The following CPEB1 variants were observed in gnomAD, a reference collection of about 807,000 sequenced individuals.
CPEB1 encodes cytoplasmic polyadenylation element-binding protein 1.
Under a neutral mutation model 65.8 loss-of-function variants are expected in CPEB1, and 7 were observed. The observed-to-expected ratio is 0.11, with a 90% CI of 0.06 to 0.20. The LOEUF is 0.20. CPEB1 is among the 10% of genes least tolerant of loss of function. The pLI is 1.00. For missense variants in CPEB1, 551 were observed against 712.2 expected, an observed-to-expected ratio of 0.77 and a Z score of 2.58; for synonymous variants, 262 against 260.0, an observed-to-expected ratio of 1.01 and a Z score of -0.08.
At chr15:82,577,062 A>G (rs1039470604) in intron 3 of CPEB1, among the ~76,000 whole-genome samples, 1 of 152,196 alleles carries the variant, frequency 6.6e-6, no homozygotes, top group Non-Finnish European at 1.5e-5. Context: ...ATTATAGTAG[A>G]AATTTTTTTC....
At chr15:82,607,725 T>C (rs1277080478) in intron 3 of CPEB1, among the ~76,000 whole-genome samples, 1 of 152,100 alleles carries the variant, frequency 6.6e-6, no homozygotes, top group Non-Finnish European at 1.5e-5. Flanking sequence ...ACAAAAATTG[T>C]TACTAGAGAT....
chr15:82,644,212 T>C (rs1428606857), intron 1 of CPEB1, among the ~76,000 whole-genome samples: 1 of 152,160 alleles, frequency 6.6e-6, no homozygotes, highest in Non-Finnish European at 1.5e-5. Context: ...CTACAGCAAC[T>C]GGGATTCCTG....
chr15:82,612,566 G>A (rs2044273271), intron 3 of CPEB1, among the ~76,000 whole-genome samples: 9 of 151,602 alleles, frequency 5.9e-5, no homozygotes, highest in Admixed American at 5.9e-4. Flanking sequence ...GTCAGGCAAG[G>A]TGGCTCACAC....
At chr15:82,575,372 C>T in intron 3 of CPEB1, among the ~76,000 whole-genome samples, 1 of 152,144 alleles carries the variant, frequency 6.6e-6, no homozygotes, top group African/African-American at 2.4e-5. Flanking sequence ...CTCTAAGAAC[C>T]TATCTTTGTA....
At chr15:82,548,564 G>GT in intron 10 of CPEB1, 1 of 339,316 alleles carries the variant, frequency 2.9e-6, no homozygotes, top group Non-Finnish European at 6.0e-6. Context: ...TAGAGCATAG[G>GT]TTAAGGTTAA....
chr15:82,569,522 A>G (rs948015485), intron 4 of CPEB1, among the ~76,000 whole-genome samples: 36 of 152,240 alleles, frequency 2.4e-4, no homozygotes, highest in African/African-American at 8.2e-4. Flanking sequence ...AGTGGAAAAG[A>G]AAAACCATTT....
intron 4 of CPEB1, among the ~76,000 whole-genome samples, chr15:82,558,819 A>C (rs2037686002): frequency 6.6e-6 from 1 of 152,246 alleles, no homozygotes; most frequent in African/African-American, 2.4e-5. Context: ...AAACAAAAAA[A>C]GAGCAACGTT....
chr15:82,639,635 A>G (rs748508863), intron 1 of CPEB1, among the ~76,000 whole-genome samples: 29 of 152,204 alleles, frequency 1.9e-4, no homozygotes, highest in Non-Finnish European at 3.1e-4. Context: ...GAAAAGATTT[A>G]AAGTAACAGG....
At chr15:82,643,773 T>C (rs1249655137) in intron 1 of CPEB1, among the ~76,000 whole-genome samples, 1 of 152,154 alleles carries the variant, frequency 6.6e-6, no homozygotes, top group African/African-American at 2.4e-5. Flanking sequence ...GCAGGGCTAT[T>C]TTATGCCCCG....
chr15:82,549,762 G>A (rs1211565017), intron 9 of CPEB1, 104 bp from the exon 10 acceptor site: 18 of 1,113,748 alleles, frequency 1.6e-5, no homozygotes, highest in Admixed American at 6.3e-5. Flanking sequence ...CTAAGCTAAC[G>A]CCCTTACAGG....
upstream of CPEB1, chr15:82,648,608 A>T (rs1361776479): frequency 6.6e-6 from 1 of 152,366 alleles, no homozygotes; most frequent in African/African-American, 2.4e-5. Context: ...GGCAAGGGAT[A>T]GGGCGAGGGC....
At chr15:82,571,753 C>G (rs1475851864) in intron 3 of CPEB1, 1 of 1,370,032 alleles carries the variant, frequency 7.3e-7, no homozygotes, top group Non-Finnish European at 9.4e-7. Context: ...CCTATCCCGT[C>G]TGCATTACAG....
chr15:82,602,996 T>C (rs1393131375), intron 3 of CPEB1, among the ~76,000 whole-genome samples: 1 of 152,230 alleles, frequency 6.6e-6, no homozygotes, highest in East Asian at 1.9e-4. Flanking sequence ...GTCAGAACTC[T>C]GGAAATTAAA....
At chr15:82,605,720 G>A (rs898113477) in intron 3 of CPEB1, among the ~76,000 whole-genome samples, 3 of 152,176 alleles carry the variant, frequency 2.0e-5, no homozygotes, top group Non-Finnish European at 2.9e-5. Flanking sequence ...TTATAAATCT[G>A]TATTGATAGG....
intron 1 of CPEB1, among the ~76,000 whole-genome samples, chr15:82,645,826 A>G (rs1405883363): frequency 6.6e-6 from 1 of 151,982 alleles, no homozygotes; most frequent in Non-Finnish European, 1.5e-5. Context: ...CAAGATCGCG[A>G]GACTGCATTC....
chr15:82,557,375 G>T, intron 5 of CPEB1: 1 of 186,672 alleles, frequency 5.4e-6, no homozygotes, highest in Non-Finnish European at 1.1e-5. Flanking sequence ...TTAATTGTGA[G>T]ATATCATACA....
chr15:82,632,491 T>C (rs2046344691), intron 1 of CPEB1, among the ~76,000 whole-genome samples: 2 of 152,016 alleles, frequency 1.3e-5, no homozygotes, highest in African/African-American at 4.8e-5. Flanking sequence ...CTGCTCGACA[T>C]GTGTACTGTG....
intron 9 of CPEB1, among the ~76,000 whole-genome samples, chr15:82,552,028 G>A (rs2036346473): frequency 6.6e-6 from 1 of 152,186 alleles, no homozygotes; most frequent in Non-Finnish European, 1.5e-5. Flanking sequence ...ACCCACAGGT[G>A]GGTGTGGGCT....
At chr15:82,555,347 GGACATCTGGT>G (rs909644003) in intron 6 of CPEB1, among the ~76,000 whole-genome samples, 13 of 152,310 alleles carry the variant, frequency 8.5e-5, no homozygotes, top group African/African-American at 3.1e-4. Context: ...TAAGAGACCA[GGACATCTGGT>G]GACACTCCTC....
Sources: allele counts gnomAD v4.1 joint callset (sites outside exome capture counted in the v4.1 genomes callset), GRCh38; gene constraint gnomAD v4.1.1; transcripts MANE v1.5; gene names NCBI Gene and HGNC (gene_info 2026-07-23, HGNC 2026-07-21).